Variants in DBH observed in about 807,000 individuals in gnomAD.
DBH encodes the protein dopamine beta-hydroxylase (dopamine beta-monooxygenase).
Under a neutral mutation model 64.0 loss-of-function variants are expected in DBH, and 49 were observed. The observed-to-expected ratio is 0.77, with a 90% CI of 0.61 to 0.97. The LOEUF is 0.97. DBH is among the 50% of genes least tolerant of loss of function. The probability of loss-of-function intolerance (pLI) is 0.00; values close to 1 mark genes in which losing one functional copy is unlikely to be tolerated. For missense variants in DBH, 828 were observed against 826.6 expected (o/e 1.00, Z -0.02); for synonymous variants, 343 against 347.1 (o/e 0.99, Z 0.13).
chr9:133,651,572 C>T, intron 6 of DBH, 62 bp from the exon 7 acceptor site: 1 of 1,605,218 alleles, frequency 6.2e-7, no homozygotes. Flanking sequence ...CGGGTCCTGG[C>T]CATGGACGGG....
intron 6 of DBH, 92 bp downstream of exon 6, chr9:133,648,104 C>A: frequency 2.1e-6 from 3 of 1,443,382 alleles, no homozygotes; most frequent in East Asian, 2.5e-5. Context: ...GGGTGGCAGG[C>A]ACAGCTTTGG....
At position 133,642,252 on chromosome 9, in the gene DBH, C is replaced by T. The variant is rs771747983; in HGVS notation, c.532C>T (p.Arg178Trp). 2.3e-5 allele frequency: 37 copies of T among 1,613,850 alleles called. No homozygotes were observed. Among genetic ancestry groups the T allele is most frequent in the East Asian group, 1.3e-4 (6 of 44,860 alleles). ...LVYGILEEPF[R>W]SLEAINGSGL... Reference sequence around the variant, plus strand: ...CTACGGGATCCTGGAGGAGCCGTTCCGGTCACTGGAGGCCATCAACGGCTC... The same window carrying T: ...CTACGGGATCCTGGAGGAGCCGTTCTGGTCACTGGAGGCCATCAACGGCTC... Residue 178 changes from arginine (R) to tryptophan (W), a missense_variant, in exon 3 of 12, where the codon CGG (arginine) becomes TGG (tryptophan). Physicochemically the swap from Arg to Trp is moderately radical, Grantham distance 101 (BLOSUM62 -3). Coordinates refer to ENST00000393056, the MANE Select transcript of DBH (RefSeq NM_000787.4).
intron 9 of DBH, chr9:133,656,144 C>T (rs532523365): frequency 5.6e-5 from 19 of 338,538 alleles, no homozygotes; most frequent in African/African-American, 1.3e-4. Context: ...AGACAATGGC[C>T]GGGACGCTGG....
rs45465204 is a variant in DBH at position 133,642,322 on chromosome 9, A to G, written c.602A>G (p.Asn201Ser). The change falls in exon 3 of 12, where the codon AAT (asparagine) becomes AGT (serine). Residue 201 changes from asparagine (N) to serine (S), a missense_variant. Coordinates refer to ENST00000393056, the MANE Select transcript of DBH (RefSeq NM_000787.4). Reference sequence around the variant, plus strand: ...CAGAGGGTGCAGCTCCTGAAGCCCAATATCCCCGAACCGGAGTTGCCCTCA... The same window carrying G: ...CAGAGGGTGCAGCTCCTGAAGCCCAGTATCCCCGAACCGGAGTTGCCCTCA... ...GLQRVQLLKP[N>S]IPEPELPSDA... 32,459 of 1,614,134 alleles carry G rather than the reference A, an allele frequency of 0.02. 480 individuals are homozygous for G. The highest frequency in any genetic ancestry group is 0.054 in the South Asian group (4,880 of 91,078).
rs1284249535 is a variant in DBH at position 133,658,358 on chromosome 9, C to T, written c.1765C>T (p.Leu589=). Residue 589 remains leucine (L), a synonymous_variant, in exon 12 of 12, where the codon CTG becomes TTG. Transcript: ENST00000393056. Reference sequence around the variant, plus strand: ...GCCCCTGCCCAAGGTCATCTCCACACTGGAAGAGCCCACCCCACAGTGCCC... The same window carrying T: ...GCCCCTGCCCAAGGTCATCTCCACATTGGAAGAGCCCACCCCACAGTGCCC... ...LQPLPKVIST[L]EEPTPQCPTS... The T allele has an allele frequency of 5.0e-6, 8 of 1,613,822 alleles. No individual in the cohort carries two copies. The highest frequency in any genetic ancestry group is 6.8e-6 in the Non-Finnish European group (8 of 1,179,914).
At chr9:133,648,899 C>T (rs547942247) in intron 6 of DBH, among the ~76,000 whole-genome samples, 25 of 152,278 alleles carry the variant, frequency 1.6e-4, no homozygotes, top group Non-Finnish European at 2.5e-4. Flanking sequence ...TGTAGGAAAC[C>T]ATTTTCTCAT....
intron 3 of DBH, among the ~76,000 whole-genome samples, chr9:133,642,861 C>T (rs550695931): frequency 2.0e-5 from 3 of 152,306 alleles, no homozygotes; most frequent in East Asian, 1.9e-4. Context: ...CGATAGCTGT[C>T]GAGTGTCCAC....
In DBH at chr9:133,657,441, AGGAGAGAGAGGAGAGAGGGAGAG is replaced by A. The variant is rs1356400315; in HGVS notation, c.1722+221_1722+243del. On this transcript the variant is annotated intron_variant, in intron 11 of 11. Coordinates refer to ENST00000393056, the MANE Select transcript of DBH (RefSeq NM_000787.4). ...GAGAGAGAGGAGAGAGAGGAGAGAG[AGGAGAGAGAGGAGAGAGGGAGAG>A]GGAGAGAGGGAGAGGGAGAGAGGAG... 9.8e-3 allele frequency: 4,112 copies of A among 420,494 alleles called. 135 individuals carry two copies. The highest frequency in any genetic ancestry group is 0.084 in the African/African-American group (3,250 of 38,852). 26.0% of individuals were successfully genotyped at this position (420,494 alleles called of 1,614,324 possible). A position where few individuals can be genotyped will look rare whatever the true frequency, so the allele number is the denominator to read the frequency against.
intron 5 of DBH, among the ~76,000 whole-genome samples, chr9:133,644,974 C>CAG (rs1832165751): frequency 6.7e-6 from 1 of 148,510 alleles, no homozygotes; most frequent in South Asian, 2.1e-4. Flanking sequence ...CACATGCACA[C>CAG]ATGTACACAT....
At position 133,648,081 on chromosome 9, in the gene DBH, C is replaced by G. The variant is rs1611130; in HGVS notation, c.1191+69C>G. Reference sequence around the variant, plus strand: ...GTCCCTCAGTGGAGGCCTGGCAGGTCGTGGCCCACGAAGGGTGGCAGGCAC... The same window carrying G: ...GTCCCTCAGTGGAGGCCTGGCAGGTGGTGGCCCACGAAGGGTGGCAGGCAC... On this transcript the variant is annotated intron_variant, in intron 6 of 11. Transcript: ENST00000393056. The G allele has an allele frequency of 0.029, 43,627 of 1,528,964 alleles. 2,140 individuals carry two copies. The highest frequency in any genetic ancestry group is 0.22 in the African/African-American group (16,059 of 73,036). 94.7% of individuals were successfully genotyped at this position (1,528,964 alleles called of 1,614,324 possible). A position where few individuals can be genotyped will look rare whatever the true frequency, so the allele number is the denominator to read the frequency against.
At chr9:133,654,549 C>T (rs1832291174) in intron 9 of DBH, 1 of 152,228 alleles carries the variant, frequency 6.6e-6, no homozygotes, top group Non-Finnish European at 1.5e-5. Context: ...GACAAGTGTC[C>T]TAGGTTCCTG....
rs1832340711 is a variant in DBH, at chr9:133,657,421, A to AG, written c.1722+193dup. 30 of 421,556 alleles carry AG rather than the reference A, an allele frequency of 7.1e-5. 1 individual carries two copies. The highest frequency in any genetic ancestry group is 1.2e-4 in the Non-Finnish European group (27 of 232,138). The allele number at this position is 421,556 out of a possible 1,614,324, so 26.1% of individuals were successfully genotyped here. A position where few individuals can be genotyped will look rare whatever the true frequency, so the allele number is the denominator to read the frequency against. Reference sequence around the variant, plus strand: ...AGCAGAGAGAGAGGAGAGAGGAGAGAGAGGAGAGAGAGGAGAGAGAGGAGA... The same window carrying AG: ...AGCAGAGAGAGAGGAGAGAGGAGAGAGGAGGAGAGAGAGGAGAGAGAGGAGA... On this transcript the variant is annotated intron_variant, in intron 11 of 11. Transcript: ENST00000393056.
intron 5 of DBH, among the ~76,000 whole-genome samples, chr9:133,646,571 C>T (rs775412374): frequency 5.3e-5 from 8 of 152,232 alleles, no homozygotes; most frequent in Non-Finnish European, 8.8e-5. Flanking sequence ...GTCACCCAGG[C>T]TGGAGTGCAA....
chr9:133,653,038 G>T (rs199564993), intron 9 of DBH, 39 bp downstream of exon 9: 3 of 1,520,376 alleles, frequency 2.0e-6, no homozygotes, highest in Non-Finnish European at 2.7e-6. Flanking sequence ...TGCCCAGGGC[G>T]AGTGTTCAGC....
rs1399511922 is a variant in DBH, at chr9:133,636,479, A to C, written c.108A>C (p.Ala36=). 6 of 1,613,010 alleles carry C rather than the reference A, an allele frequency of 3.7e-6. No homozygotes were observed. Among genetic ancestry groups the C allele is most frequent in the African/African-American group, 2.7e-5 (2 of 74,934 alleles). The change falls in exon 1 of 12, where the codon GCA becomes GCC. Residue 36 remains alanine, a synonymous_variant. Coordinates refer to ENST00000393056, the MANE Select transcript of DBH (RefSeq NM_000787.4). ...VAIFLVILVA[A]LQGSAPRESP... ...TCTTCCTGGTCATCCTGGTGGCCGC[A>C]CTGCAGGGCTCGGCTCCCCGTGAGA...
At chr9:133,658,234 A>G in intron 11 of DBH, 82 bp from the exon 12 acceptor site, 1 of 1,566,246 alleles carries the variant, frequency 6.4e-7, no homozygotes, top group Non-Finnish European at 8.8e-7. Context: ...AGAATCCAAG[A>G]GGTGGCTGGG....
chr9:133,642,908 C>T (rs2131285272), intron 3 of DBH, among the ~76,000 whole-genome samples: 3 of 152,328 alleles, frequency 2.0e-5, no homozygotes, highest in Admixed American at 2.0e-4. Flanking sequence ...GAGGTGATCC[C>T]TCCTTCATCA....
In DBH at chr9:133,639,772, G is replaced by A. The variant is rs1221363504; in HGVS notation, c.340-74G>A. On this transcript the variant is annotated intron_variant, in intron 1 of 11. Transcript: ENST00000393056. ...GGCAATGAATGCGGAGCTCTGCCGG[G>A]GAATGCCCTCTTCCCCTGTGGATTG... The A allele has an allele frequency of 4.0e-6, 6 of 1,503,822 alleles. No homozygotes were observed. In the Admixed American group the frequency reaches 9.5e-5, roughly 24 times the overall value. The allele number at this position is 1,503,822 out of a possible 1,614,324, so 93.2% of individuals were successfully genotyped here. A position where few individuals can be genotyped will look rare whatever the true frequency, so the allele number is the denominator to read the frequency against.
intron 2 of DBH, 41 bp from the exon 3 acceptor site, chr9:133,642,166 G>A (rs1047546093): frequency 6.2e-7 from 1 of 1,608,976 alleles, no homozygotes; most frequent in Non-Finnish European, 8.5e-7. Flanking sequence ...AACTCTGGGG[G>A]CTCTGAGAGG....
Sources: allele counts gnomAD v4.1 joint callset (sites outside exome capture counted in the v4.1 genomes callset), GRCh38; gene constraint gnomAD v4.1.1; transcripts MANE v1.5; gene names NCBI Gene and HGNC (gene_info 2026-07-23, HGNC 2026-07-21).